Variants in TMEM74 observed in about 807,000 individuals in gnomAD.
TMEM74 encodes the protein transmembrane protein 74.
In TMEM74, 13 loss-of-function variants were observed where a neutral mutation model predicts 18.1. The ratio of observed to expected loss-of-function variants is 0.72; its 90% CI spans 0.47 to 1.14. TMEM74 has a LOEUF of 1.14. TMEM74 is among the 50% of genes most tolerant of loss of function. The pLI is 0.00. For synonymous variants in TMEM74, 159 were observed against 146.6 expected (o/e 1.08, Z -0.61); for missense variants, 372 against 375.9 (o/e 0.99, Z 0.09).
chr8:108,709,008 G>A (rs190624243), intron 1 of TMEM74, among the ~76,000 whole-genome samples: 1 of 152,022 alleles, frequency 6.6e-6, no homozygotes, highest in East Asian at 1.9e-4. Flanking sequence ...TGTTAGGATG[G>A]CTACTATAAA....
rs141923075 is a variant in TMEM74 at position 108,779,874 on chromosome 8, T to A, written c.*4307A>T. The stretch of plus-strand genomic sequence containing the variant: ...GTGTTTAAAATAACGTCTTGCTTTT[T>A]ACAGTGTCAATTCACTAGGCAGGCA... On this transcript the variant is annotated 3_prime_UTR_variant, in exon 2 of 2. Transcript: ENST00000297459. Among the ~76,000 whole-genome samples, 940 of 152,298 alleles carry A rather than the reference T, an allele frequency of 6.2e-3. 14 individuals carry two copies. Among genetic ancestry groups the A allele is most frequent in the African/African-American group, 0.021 (874 of 41,556 alleles).
chr8:108,735,993 T>G (rs1813745862), intron 1 of TMEM74, among the ~76,000 whole-genome samples: 1 of 152,206 alleles, frequency 6.6e-6, no homozygotes, highest in South Asian at 2.1e-4. Flanking sequence ...CTTCTTTTTT[T>G]TTTCTGTTGT....
downstream of TMEM74, among the ~76,000 whole-genome samples, chr8:108,777,400 A>G (rs1353796129): frequency 6.6e-6 from 1 of 152,156 alleles, no homozygotes; most frequent in African/African-American, 2.4e-5. Context: ...TTTCAATTCC[A>G]AGGAAAAGTG....
chr8:108,778,922 C>G (rs1016010484), downstream of TMEM74, among the ~76,000 whole-genome samples: 70 of 152,010 alleles, frequency 4.6e-4, no homozygotes, highest in African/African-American at 1.7e-3. Context: ...AAAAATAAGG[C>G]ACAGTCTACA....
chr8:108,774,418 A>G (rs1814205988), downstream of TMEM74, among the ~76,000 whole-genome samples: 1 of 152,184 alleles, frequency 6.6e-6, no homozygotes, highest in Non-Finnish European at 1.5e-5. Context: ...TAAGGTTCTC[A>G]ATAATAGTGA....
intron 1 of TMEM74, among the ~76,000 whole-genome samples, chr8:108,758,025 GT>G (rs553430734): frequency 2.1e-3 from 319 of 152,124 alleles, no homozygotes; most frequent in Non-Finnish European, 3.7e-3. Flanking sequence ...CTTTCAGACA[GT>G]TATGCAGATG....
At chr8:108,765,519 G>T (rs1266789770) in intron 1 of TMEM74, among the ~76,000 whole-genome samples, 1 of 148,414 alleles carries the variant, frequency 6.7e-6, no homozygotes, top group Non-Finnish European at 1.5e-5. Context: ...TAATTCTCCT[G>T]CCTTAGCCTC....
downstream of TMEM74, among the ~76,000 whole-genome samples, chr8:108,778,448 T>C (rs1814261104): frequency 6.6e-6 from 1 of 152,194 alleles, no homozygotes; most frequent in South Asian, 2.1e-4. Flanking sequence ...CAGCATCACT[T>C]AGCTTATTCC....
intron 2 of TMEM74, among the ~76,000 whole-genome samples, chr8:108,640,358 C>G (rs1812651958): frequency 1.3e-5 from 2 of 151,972 alleles, no homozygotes; most frequent in South Asian, 4.1e-4. Context: ...AAGTGACCTG[C>G]CTGCCTCGGC....
At chr8:108,698,790 T>C (rs1813305625) in intron 1 of TMEM74, among the ~76,000 whole-genome samples, 1 of 152,050 alleles carries the variant, frequency 6.6e-6, no homozygotes, top group African/African-American at 2.4e-5. Flanking sequence ...ACTATGGTAA[T>C]ATTACCACTT....
chr8:108,713,092 G>C (rs762995168), intron 1 of TMEM74, among the ~76,000 whole-genome samples: 1 of 152,142 alleles, frequency 6.6e-6, no homozygotes, highest in Non-Finnish European at 1.5e-5. Context: ...ACTTTTGTTG[G>C]TTGGTTCATT....
intron 1 of TMEM74, among the ~76,000 whole-genome samples, chr8:108,735,170 C>A (rs1313326551): frequency 6.6e-6 from 1 of 152,148 alleles, no homozygotes; most frequent in Non-Finnish European, 1.5e-5. Flanking sequence ...ATGATGGACC[C>A]AGTCATTGCC....
intron 2 of TMEM74, among the ~76,000 whole-genome samples, chr8:108,628,995 T>C (rs1258350783): frequency 6.6e-6 from 1 of 152,108 alleles, no homozygotes; most frequent in Non-Finnish European, 1.5e-5. Flanking sequence ...TGTTTTTTTC[T>C]TGTAAGTTTG....
chr8:108,704,365 C>T (rs1292670375), intron 1 of TMEM74, among the ~76,000 whole-genome samples: 2 of 152,166 alleles, frequency 1.3e-5, no homozygotes, highest in South Asian at 2.1e-4. Flanking sequence ...TATAGTGTAG[C>T]GATAGGCAGG....
chr8:108,631,304 A>C (rs1249874710), intron 2 of TMEM74, among the ~76,000 whole-genome samples: 1 of 151,984 alleles, frequency 6.6e-6, no homozygotes, highest in Non-Finnish European at 1.5e-5. Flanking sequence ...TGGAGTGTGA[A>C]GGAACACAGC....
chr8:108,770,377 C>A (rs1430317652), intron 1 of TMEM74, among the ~76,000 whole-genome samples: 2 of 152,118 alleles, frequency 1.3e-5, no homozygotes, highest in African/African-American at 4.8e-5. Context: ...ATCTTATAGG[C>A]CTTTTAACAA....
intron 1 of TMEM74, among the ~76,000 whole-genome samples, chr8:108,726,038 C>T (rs114288732): frequency 7.4e-4 from 113 of 152,236 alleles, no homozygotes; most frequent in African/African-American, 2.4e-3. Flanking sequence ...TTGTAATACA[C>T]AATATACTAT....
At chr8:108,731,866 A>G (rs1280953306) in intron 1 of TMEM74, among the ~76,000 whole-genome samples, 1 of 151,416 alleles carries the variant, frequency 6.6e-6, no homozygotes, top group Admixed American at 6.6e-5. Flanking sequence ...AAGGATCTAT[A>G]GCTCTTCCTG....
At chr8:108,623,370 C>T (rs991290070) in intron 2 of TMEM74, among the ~76,000 whole-genome samples, 4 of 152,028 alleles carry the variant, frequency 2.6e-5, no homozygotes, top group Non-Finnish European at 4.4e-5. Flanking sequence ...CTTTTGTTGG[C>T]TTTTGAAGCT....
Sources: gnomAD v4.1 joint callset for allele counts (sites outside exome capture counted in the v4.1 genomes callset) on GRCh38, gnomAD v4.1.1 for gene constraint, MANE v1.5 for transcripts, NCBI Gene and HGNC (gene_info 2026-07-23, HGNC 2026-07-21) for gene names.